NFIC: variants seen among roughly 807,000 people sequenced by gnomAD.
NFIC encodes nuclear factor I C, also known as nuclear factor 1 C-type.
A neutral mutation model predicts 54.4 loss-of-function variants in NFIC; 12 were observed. The observed-to-expected ratio is 0.22, with a 90% CI of 0.14 to 0.36. NFIC has a LOEUF of 0.36. NFIC is among the 10% of genes least tolerant of loss of function. The pLI, the probability that NFIC is intolerant of heterozygous loss-of-function variation, is 1.00. For missense variants in NFIC, 575 were observed against 718.2 expected, an observed-to-expected ratio of 0.80 and a Z score of 2.28; for synonymous variants, 322 against 319.2, an observed-to-expected ratio of 1.01 and a Z score of -0.09.
rs1326130164 is a variant in NFIC, at chr19:3,452,089, G to C, written c.1085-393G>C. Among the ~76,000 whole-genome samples the C allele has an allele frequency of 1.4e-5, 2 of 147,002 alleles. No homozygotes were observed. Among genetic ancestry groups the C allele is most frequent in the Admixed American group, 1.4e-4 (2 of 14,798 alleles). ...AGGTCATACCACTGCACTCCAGCCT[G>C]GGTGACTGTCTCAAAAAAAAAAAAA... On this transcript the variant is annotated intron_variant, in intron 7 of 10. Transcript: ENST00000443272. The surrounding 1 kb of genome is among the most constrained non-coding windows in gnomAD (Gnocchi z 5.3).
chr19:3,412,975 G>T (rs1277619337), intron 2 of NFIC, among the ~76,000 whole-genome samples: 1 of 152,124 alleles, frequency 6.6e-6, no homozygotes, highest in Non-Finnish European at 1.5e-5. Flanking sequence ...TGGCAGAAGG[G>T]ACCTTTGACA....
rs1035375535 is a variant in NFIC at position 3,405,455 on chromosome 19, A to C, written c.563-19651A>C. Reference sequence around the variant, plus strand: ...AGGATGTGGAGGCTCAGAGAGGGAGAGTGCTTTTAGTGAGGTCACACAGCA... The same window carrying C: ...AGGATGTGGAGGCTCAGAGAGGGAGCGTGCTTTTAGTGAGGTCACACAGCA... On this transcript the variant is annotated intron_variant, in intron 2 of 10. Transcript: ENST00000443272. Among the ~76,000 whole-genome samples the C allele has an allele frequency of 6.6e-5, 10 of 152,192 alleles. No individual in the cohort carries two copies. In the South Asian group the frequency reaches 1.9e-3, roughly 28 times the overall value.
chr19:3,427,276 G>A (rs1315035799), intron 3 of NFIC, among the ~76,000 whole-genome samples: 3 of 152,126 alleles, frequency 2.0e-5, no homozygotes, highest in Non-Finnish European at 4.4e-5. Flanking sequence ...GAGGAAGTTA[G>A]TGATTGCCTA....
At chr19:3,418,572 C>A (rs1182209858) in intron 2 of NFIC, among the ~76,000 whole-genome samples, 3 of 152,110 alleles carry the variant, frequency 2.0e-5, no homozygotes, top group Non-Finnish European at 4.4e-5. Context: ...AGACGGCTGG[C>A]CGGGCGTGGT....
At chr19:3,444,849 A>G (rs2082349046) in intron 6 of NFIC, among the ~76,000 whole-genome samples, 1 of 152,164 alleles carries the variant, frequency 6.6e-6, no homozygotes, top group South Asian at 2.1e-4. Context: ...TCATACATAT[A>G]TGCACGCACG....
chr19:3,448,466 G>A (rs2082405133), intron 6 of NFIC, among the ~76,000 whole-genome samples: 1 of 152,198 alleles, frequency 6.6e-6, no homozygotes, highest in Admixed American at 6.5e-5. Flanking sequence ...GGCAGCCTGG[G>A]AGGTAGTGAG....
At chr19:3,456,674 A>C in intron 10 of NFIC, 39 bp downstream of exon 10, 20 of 545,538 alleles carry the variant, frequency 3.7e-5, no homozygotes, top group Non-Finnish European at 6.4e-5. Flanking sequence ...TGGGAGGGGC[A>C]GGGCAGAGGG....
chr19:3,397,489 C>G (rs2081483287), intron 2 of NFIC, among the ~76,000 whole-genome samples: 1 of 152,202 alleles, frequency 6.6e-6, no homozygotes, highest in Non-Finnish European at 1.5e-5. Context: ...CCTGGGGAAT[C>G]AGGGAGGTGT....
At chr19:3,361,190 G>T (rs544988043) in intron 1 of NFIC, among the ~76,000 whole-genome samples, 13 of 152,316 alleles carry the variant, frequency 8.5e-5, no homozygotes, top group South Asian at 4.1e-4. Context: ...CACTCGGCAC[G>T]CAGACGTCGC....
At chr19:3,381,395 CAAAAAAAA>C (rs71164686) in intron 1 of NFIC, among the ~76,000 whole-genome samples, 2 of 100,932 alleles carry the variant, frequency 2.0e-5, no homozygotes, top group Non-Finnish European at 4.1e-5. Flanking sequence ...GACTCCGTCT[CAAAAAAAA>C]AAAAAAAAAA....
chr19:3,440,918 C>A (rs533271780), intron 6 of NFIC, among the ~76,000 whole-genome samples: 1 of 152,164 alleles, frequency 6.6e-6, no homozygotes, highest in Non-Finnish European at 1.5e-5. Context: ...TGGGCTCATG[C>A]CATCCTCCTT....
At chr19:3,456,915 C>T (rs2082568417) in intron 10 of NFIC, 2 of 503,334 alleles carry the variant, frequency 4.0e-6, no homozygotes, top group Non-Finnish European at 7.3e-6. Flanking sequence ...AGCTATGGGA[C>T]CAGTGTCATT....
intron 7 of NFIC, among the ~76,000 whole-genome samples, chr19:3,451,676 A>G (rs966738018): frequency 5.9e-5 from 9 of 151,478 alleles, no homozygotes; most frequent in African/African-American, 1.7e-4. Flanking sequence ...TTGCAGAAAG[A>G]GCTTGCCAAC....
intron 6 of NFIC, among the ~76,000 whole-genome samples, chr19:3,443,861 A>T (rs978790802): frequency 6.6e-6 from 1 of 152,176 alleles, no homozygotes; most frequent in African/African-American, 2.4e-5. Context: ...CAGGGCCCAG[A>T]GGAGACCTTG....
Position 3,452,988 on chromosome 19 carries a change from C to G in NFIC, c.1269+322C>G, listed in dbSNP as rs538213156. Among the ~76,000 whole-genome samples the G allele has an allele frequency of 6.6e-6, 1 of 152,210 alleles. No homozygotes were observed. The highest frequency in any genetic ancestry group is 2.1e-4 in the South Asian group (1 of 4,828). Reference sequence around the variant, plus strand: ...TAGCGGCTCATGCCTGTGATCCCAGCGCTTTCGGAGGCCAAGGCGGGAGGA... The same window carrying G: ...TAGCGGCTCATGCCTGTGATCCCAGGGCTTTCGGAGGCCAAGGCGGGAGGA... On this transcript the variant is annotated intron_variant, in intron 8 of 10. Transcript: ENST00000443272. The surrounding 1 kb of genome is among the most constrained non-coding windows in gnomAD (Gnocchi z 5.3).
chr19:3,456,698 G>A (rs1172925998), intron 10 of NFIC, 63 bp downstream of exon 10: 3 of 1,350,310 alleles, frequency 2.2e-6, no homozygotes, highest in East Asian at 2.5e-5. Context: ...GGCCCGGGGG[G>A]CTCAGGGCGA....
Position 3,375,035 on chromosome 19 carries a change from G to T in NFIC, c.31-6677G>T, listed in dbSNP as rs1370452275. 6.6e-6 allele frequency among the ~76,000 whole-genome samples: 1 copy of T among 151,706 alleles called. No homozygotes were observed. Among genetic ancestry groups the T allele is most frequent in the Non-Finnish European group, 1.5e-5 (1 of 67,952 alleles). On this transcript the variant is annotated intron_variant, in intron 1 of 10. Coordinates refer to ENST00000443272, the MANE Select transcript of NFIC (RefSeq NM_001245002.2). The surrounding 1 kb of genome is among the most constrained non-coding windows in gnomAD (Gnocchi z 4.6). ...AGGGGAGGAACATAGAGAAGGGAGG[G>T]ACAGTTAGGGAGGAGGAAGGGAACT...
At chr19:3,435,252 A>T (rs1283180470) in intron 6 of NFIC, 45 bp downstream of exon 6, 4 of 1,512,296 alleles carry the variant, frequency 2.6e-6, no homozygotes, top group South Asian at 1.2e-5. Context: ...GGTCTGAGTC[A>T]CCGTGGCGGG....
chr19:3,413,566 G>A (rs2081799877), intron 2 of NFIC, among the ~76,000 whole-genome samples: 1 of 152,056 alleles, frequency 6.6e-6, no homozygotes, highest in South Asian at 2.1e-4. Flanking sequence ...TGCTGCAGAG[G>A]AGTTACAAAG....
Sources: gnomAD v4.1 joint callset for allele counts (sites outside exome capture counted in the v4.1 genomes callset) on GRCh38, gnomAD v4.1.1 for gene constraint, Gnocchi (gnomAD v3.1) non-coding constraint, MANE v1.5 for transcripts, NCBI Gene and HGNC (gene_info 2026-07-23, HGNC 2026-07-21) for gene names.